The following LARP1 variants were observed in gnomAD, a reference collection of about 807,000 sequenced individuals.
LARP1 encodes La ribonucleoprotein 1, translational regulator.
A neutral mutation model predicts 122.7 loss-of-function variants in LARP1; 36 were observed. The observed-to-expected ratio is 0.29, with a 90% confidence interval of 0.22 to 0.39. The LOEUF (loss-of-function observed/expected upper bound fraction) is 0.39. LARP1 is among the 10% of genes least tolerant of loss of function. LARP1 has a pLI of 1.00. For synonymous variants in LARP1, 539 were observed against 528.7 expected, an observed-to-expected ratio of 1.02 and a Z score of -0.27; for missense variants, 1,040 against 1,403.6, an observed-to-expected ratio of 0.74 and a Z score of 4.14.
chr5:154,713,031 A>G (rs1482107443), exon 1 of LARP1: 1 of 1,614,054 alleles, frequency 6.2e-7, no homozygotes, highest in African/African-American at 1.3e-5. Context: ...CCCAGGGAGG[A>G]AAAACAGCGT....
intron 1 of LARP1, chr5:154,705,817 A>G (rs1342945581): frequency 6.6e-6 from 1 of 152,256 alleles, no homozygotes; most frequent in African/African-American, 2.4e-5. Context: ...AAATTAATTC[A>G]GTCGCTGTGG....
At chr5:154,806,201 T>C (rs1472993203) in intron 15 of LARP1, among the ~76,000 whole-genome samples, 169 bp downstream of exon 15, 3 of 152,206 alleles carry the variant, frequency 2.0e-5, no homozygotes, top group Non-Finnish European at 4.4e-5. Context: ...CCAGGTAGTT[T>C]TAAACTGTAG....
intron 1 of LARP1, among the ~76,000 whole-genome samples, chr5:154,702,723 C>A: frequency 6.6e-6 from 1 of 152,144 alleles, no homozygotes. Context: ...TATTTGTCCT[C>A]TAACAACTCT....
intron 1 of LARP1, among the ~76,000 whole-genome samples, chr5:154,690,057 T>G (rs7735337): frequency 4.0e-5 from 6 of 151,734 alleles, no homozygotes; most frequent in Non-Finnish European, 7.4e-5. Flanking sequence ...AATTAAAATT[T>G]AAATTAAAAA....
At chr5:154,754,443 G>A (rs981873825), upstream of LARP1, among the ~76,000 whole-genome samples, 3 of 152,174 alleles carry the variant, frequency 2.0e-5, no homozygotes, top group Non-Finnish European at 4.4e-5. Flanking sequence ...ATGGTAAGGG[G>A]GCAGGGCCAG....
At chr5:154,773,710 C>G (rs1457039703) in intron 1 of LARP1, among the ~76,000 whole-genome samples, 3 of 152,196 alleles carry the variant, frequency 2.0e-5, no homozygotes, top group Non-Finnish European at 2.9e-5. Flanking sequence ...ACTTGAAGTA[C>G]AAAGAGGAAA....
chr5:154,793,451 C>CT lies in LARP1; in HGVS notation c.740-143dup, dbSNP rs1310784839. On this transcript the variant is annotated intron_variant, in intron 4 of 18. Transcript: ENST00000518297. ...CTTATTTTAGAGATGAAAAAGAGGG[C>CT]TAATGTGTGGGAAAGGGATCTGCCC... 36 of 971,212 alleles carry CT rather than the reference C, an allele frequency of 3.7e-5. No homozygotes were observed. In the African/African-American group the frequency reaches 5.8e-4, roughly 16 times the overall value. 60.2% of individuals were successfully genotyped at this position (971,212 alleles called of 1,614,324 possible).
intron 1 of LARP1, among the ~76,000 whole-genome samples, chr5:154,726,428 A>C (rs1756221012): frequency 1.3e-5 from 2 of 152,220 alleles, no homozygotes; most frequent in South Asian, 4.1e-4. Flanking sequence ...GCTGAAAACC[A>C]AGAGAAAAAA....
At position 154,814,885 on chromosome 5, in the gene LARP1, C is replaced by T. The variant is rs1561642933; in HGVS notation, c.*789C>T. 1.3e-5 allele frequency: 2 copies of T among 148,448 alleles called. No individual in the cohort carries two copies. The highest frequency in any genetic ancestry group is 5.0e-5 in the African/African-American group (2 of 40,064). 9.2% of individuals were successfully genotyped at this position (148,448 alleles called of 1,614,324 possible). A position where few individuals can be genotyped will look rare whatever the true frequency, so the allele number is the denominator to read the frequency against. On this transcript the variant is annotated 3_prime_UTR_variant, in exon 19 of 19. Coordinates refer to ENST00000518297, the MANE Select transcript of LARP1 (RefSeq NM_033551.3). ...GAAAAAAGAAGAAAAAAGACAAAAT[C>T]GACCATAAAAGACCAAAAAAAAAAA...
At chr5:154,723,170 T>G (rs1755990097) in intron 1 of LARP1, among the ~76,000 whole-genome samples, 1 of 152,232 alleles carries the variant, frequency 6.6e-6, no homozygotes, top group South Asian at 2.1e-4. Flanking sequence ...GAGTAACTGA[T>G]CCAGGACTGA....
At chr5:154,731,503 T>C (rs1313814869) in intron 1 of LARP1, among the ~76,000 whole-genome samples, 1 of 152,122 alleles carries the variant, frequency 6.6e-6, no homozygotes, top group Admixed American at 6.6e-5. Flanking sequence ...ACAGTACCTT[T>C]CTTAGAGAAG....
chr5:154,794,313 G>T (rs1013824778), intron 7 of LARP1, 51 bp downstream of exon 7: 8 of 1,583,648 alleles, frequency 5.1e-6, no homozygotes, highest in South Asian at 1.1e-5. Context: ...AGAGGTTAGG[G>T]GTTGCTAGAG....
Position 154,793,947 on chromosome 5 carries a change from G to T in LARP1, c.1016G>T (p.Gly339Val). ...GGTGGGGCGCGGGCTTCCTTCCGTG[G>T]CCGTGGACGGGGGCGTGGTCGCGGC... is the stretch of plus-strand genomic sequence containing the variant. Reference protein sequence around the residue: ...GAGGARASFRGRGRGRGRGRG... With the variant: ...GAGGARASFRVRGRGRGRGRG... The change falls in exon 6 of 19, where the codon GGC (glycine) becomes GTC (valine). Residue 339 changes from glycine to valine, a missense_variant. Physicochemically the swap from Gly to Val is moderately radical, Grantham distance 109. This residue lies in a region of LARP1 where 178 missense variants were observed against 178.3 expected (regional missense o/e 1.00). Coordinates refer to ENST00000518297, the MANE Select transcript of LARP1 (RefSeq NM_033551.3). 6.2e-7 allele frequency: 1 copy of T among 1,613,526 alleles called. No homozygotes were observed. The highest frequency in any genetic ancestry group is 8.5e-7 in the Non-Finnish European group (1 of 1,179,566).
At chr5:154,685,276 T>C (rs965487046) in intron 1 of LARP1, among the ~76,000 whole-genome samples, 5 of 151,290 alleles carry the variant, frequency 3.3e-5, no homozygotes, top group Admixed American at 2.6e-4. Context: ...CACTCCTTAA[T>C]GTGGCCTTCT....
At chr5:154,759,187 A>C (rs1000411259) in intron 1 of LARP1, among the ~76,000 whole-genome samples, 1 of 152,080 alleles carries the variant, frequency 6.6e-6, no homozygotes, top group African/African-American at 2.4e-5. Flanking sequence ...CACCTGCCTC[A>C]TGGGGGTATT....
intron 1 of LARP1, among the ~76,000 whole-genome samples, chr5:154,731,105 G>A (rs1015714414): frequency 3.3e-5 from 5 of 152,088 alleles, no homozygotes; most frequent in Non-Finnish European, 5.9e-5. Flanking sequence ...GGTTACAGGC[G>A]TGAGCCACTG....
chr5:154,736,536 T>TTTTTTTTTTTTATTTA (rs552562542), intron 1 of LARP1, among the ~76,000 whole-genome samples: 5 of 133,160 alleles, frequency 3.8e-5, no homozygotes, highest in African/African-American at 1.4e-4. Context: ...CCTGGCCTAT[T>TTTTTTTTTTTTATTTA]TTTATTTATT....
At chr5:154,773,294 A>G (rs893805689) in intron 1 of LARP1, among the ~76,000 whole-genome samples, 12 of 152,042 alleles carry the variant, frequency 7.9e-5, no homozygotes, top group Admixed American at 7.9e-4. Flanking sequence ...TATTTTTTCC[A>G]TTTAGAAACA....
Position 154,796,049 on chromosome 5 carries a change from TTA to T in LARP1, c.1377+736_1377+737del, listed in dbSNP as rs1475830193. Among the ~76,000 whole-genome samples, 3 of 115,002 alleles carry T rather than the reference TTA, an allele frequency of 2.6e-5. No individual in the cohort carries two copies. In the South Asian group the frequency reaches 6.7e-4, roughly 26 times the overall value. The allele number at this position is 115,002 out of a possible 152,430, so 75.4% of individuals were successfully genotyped here. A position where few individuals can be genotyped will look rare whatever the true frequency, so the allele number is the denominator to read the frequency against. On this transcript the variant is annotated intron_variant, in intron 8 of 18. Coordinates refer to ENST00000518297, the MANE Select transcript of LARP1 (RefSeq NM_033551.3). ...ATATATTTTTATATATATTATATAT[TTA>T]TATATTATATATTTATATATAGTAT...
Sources: gnomAD v4.1 joint callset for allele counts (sites outside exome capture counted in the v4.1 genomes callset) on GRCh38, gnomAD v4.1.1 for gene constraint, gnomAD v4.1.1 regional missense constraint, MANE v1.5 for transcripts, NCBI Gene and HGNC (gene_info 2026-07-23, HGNC 2026-07-21) for gene names.